DYTN: variants seen among roughly 807,000 people sequenced by gnomAD.
DYTN encodes dystrotelin.
A neutral mutation model predicts 69.6 loss-of-function variants in DYTN; 75 were observed. The observed-to-expected ratio is 1.08, with a 90% confidence interval of 0.89 to 1.31. The LOEUF is 1.31. Ranked by LOEUF, DYTN falls within the 50% of genes most tolerant of loss-of-function variation. The probability of loss-of-function intolerance (pLI) is 0.00; values close to 1 mark genes in which losing one functional copy is unlikely to be tolerated. For synonymous variants in DYTN, 252 were observed against 249.1 expected, an observed-to-expected ratio of 1.01 and a Z score of -0.11; for missense variants, 726 against 688.4, an observed-to-expected ratio of 1.05 and a Z score of -0.61.
chr2:206,681,967 G>T (rs2105894039), intron 9 of DYTN, among the ~76,000 whole-genome samples: 1 of 152,268 alleles, frequency 6.6e-6, no homozygotes, highest in South Asian at 2.1e-4. Context: ...GCTCCTCTTT[G>T]TACCTCTGGT....
Position 206,707,288 on chromosome 2 carries a change from G to A in DYTN, c.296+14C>T, listed in dbSNP as rs367670234. ...TTTGCCTTTGAGGTCACAGCGCGAC[G>A]TCCACACCCTCACCTGTTGTACATT... On this transcript the variant is annotated intron_variant, in intron 3 of 11. Transcript: ENST00000452335. The A allele has an allele frequency of 5.7e-5, 91 of 1,608,700 alleles. No individual in the cohort carries two copies. In the African/African-American group the frequency reaches 9.6e-4, roughly 17 times the overall value.
intron 9 of DYTN, among the ~76,000 whole-genome samples, chr2:206,684,093 G>A (rs1303162796): frequency 1.3e-5 from 2 of 150,836 alleles, no homozygotes; most frequent in Admixed American, 6.6e-5. Flanking sequence ...CTTCATTGAT[G>A]TAGCCCAAGT....
Position 206,662,885 on chromosome 2 carries a change from G to A in DYTN, c.1633+18C>T. On this transcript the variant is annotated intron_variant, in intron 11 of 11. Transcript: ENST00000452335. ...AATCCTTGGCCATCACGATGTCTATGGATTGTGAAAACCTTACCTGATGGC... is the reference window on the plus strand; with the variant it reads ...AATCCTTGGCCATCACGATGTCTATAGATTGTGAAAACCTTACCTGATGGC... 6.2e-7 allele frequency: 1 copy of A among 1,602,486 alleles called. No individual in the cohort carries two copies. Among genetic ancestry groups the A allele is most frequent in the Non-Finnish European group, 8.5e-7 (1 of 1,175,160 alleles).
At chr2:206,685,193 T>G (rs969362076) in intron 9 of DYTN, among the ~76,000 whole-genome samples, 3 of 151,400 alleles carry the variant, frequency 2.0e-5, no homozygotes. Context: ...TTTGAAACAT[T>G]TTCACCCAGG....
At chr2:206,673,110 G>A (rs1221211468) in intron 9 of DYTN, among the ~76,000 whole-genome samples, 1 of 152,086 alleles carries the variant, frequency 6.6e-6, no homozygotes, top group Non-Finnish European at 1.5e-5. Flanking sequence ...AGGCCCCAGT[G>A]TGTGTTGTTT....
intron 1 of DYTN, among the ~76,000 whole-genome samples, chr2:206,711,959 ATAAC>A (rs1286372815): frequency 6.6e-6 from 1 of 152,206 alleles, no homozygotes; most frequent in Non-Finnish European, 1.5e-5. Flanking sequence ...TCTAGAAAAA[ATAAC>A]TATAGAGTAG....
At chr2:206,685,143 CTTAT>C (rs10673463) in intron 9 of DYTN, among the ~76,000 whole-genome samples, 15,525 of 145,694 alleles carry the variant, frequency 0.11, 929 homozygotes, top group East Asian at 0.21. Flanking sequence ...AGTAGCATGG[CTTAT>C]TTATTTATTT....
intron 8 of DYTN, 90 bp from the exon 9 acceptor site, chr2:206,693,413 G>GC: frequency 6.7e-7 from 1 of 1,483,386 alleles, no homozygotes; most frequent in South Asian, 1.3e-5. Flanking sequence ...CACCATGAAA[G>GC]TTTTTGGAAT....
intron 9 of DYTN, among the ~76,000 whole-genome samples, chr2:206,674,693 TA>T (rs1330421251): frequency 6.6e-6 from 1 of 151,990 alleles, no homozygotes; most frequent in Admixed American, 6.6e-5. Flanking sequence ...AAAGGACGTT[TA>T]AAGAATAATC....
intron 9 of DYTN, among the ~76,000 whole-genome samples, chr2:206,688,797 T>C (rs1426018016): frequency 6.6e-6 from 1 of 152,200 alleles, no homozygotes; most frequent in African/African-American, 2.4e-5. Flanking sequence ...CAATAAAATA[T>C]TATAATTTTA....
At chr2:206,715,569 C>T (rs1307230124) in intron 1 of DYTN, among the ~76,000 whole-genome samples, 1 of 152,140 alleles carries the variant, frequency 6.6e-6, no homozygotes, top group East Asian at 1.9e-4. Flanking sequence ...CATCTTCCTC[C>T]AGAGTAGGGT....
chr2:206,718,184 G>C, intron 1 of DYTN, 77 bp downstream of exon 1: 1 of 1,444,756 alleles, frequency 6.9e-7, no homozygotes, highest in Non-Finnish European at 9.3e-7. Context: ...CTTCAAATCA[G>C]AGGTCTGAAA....
intron 9 of DYTN, among the ~76,000 whole-genome samples, chr2:206,676,225 A>G (rs796322352): frequency 3.3e-5 from 5 of 152,358 alleles, no homozygotes; most frequent in African/African-American, 1.2e-4. Flanking sequence ...TGGCACATAT[A>G]CACCATGGAA....
chr2:206,697,663 A>C (rs1699933314), intron 7 of DYTN, among the ~76,000 whole-genome samples: 1 of 152,192 alleles, frequency 6.6e-6, no homozygotes, highest in Admixed American at 6.5e-5. Flanking sequence ...ACAAACCAAA[A>C]AACAAAAACC....
intron 9 of DYTN, among the ~76,000 whole-genome samples, chr2:206,680,221 T>C (rs1699735811): frequency 6.6e-6 from 1 of 151,680 alleles, no homozygotes; most frequent in African/African-American, 2.4e-5. Context: ...GGCAAGAGAG[T>C]GTGTGCAGGG....
At chr2:206,655,694 G>A (rs1246783802) in intron 11 of DYTN, among the ~76,000 whole-genome samples, 1 of 151,868 alleles carries the variant, frequency 6.6e-6, no homozygotes. Flanking sequence ...AAAGCACTAG[G>A]ATTATAGGCA....
At chr2:206,665,388 AATTT>A (rs1383375223) in intron 10 of DYTN, among the ~76,000 whole-genome samples, 8 of 151,732 alleles carry the variant, frequency 5.3e-5, no homozygotes, top group Admixed American at 2.6e-4. Context: ...TTACTTATTT[AATTT>A]ATTTAACAAC....
chr2:206,690,818 A>C (rs1356160312), intron 9 of DYTN, among the ~76,000 whole-genome samples: 2 of 152,224 alleles, frequency 1.3e-5, no homozygotes, highest in Non-Finnish European at 2.9e-5. Context: ...TTTAAAATAA[A>C]GTCTTAAGGG....
chr2:206,684,785 G>A (rs1699787263), intron 9 of DYTN, among the ~76,000 whole-genome samples: 1 of 151,532 alleles, frequency 6.6e-6, no homozygotes, highest in Non-Finnish European at 1.5e-5. Context: ...TTCTTAGAAA[G>A]TATAGCCTCT....
Sources: allele counts gnomAD v4.1 joint callset (sites outside exome capture counted in the v4.1 genomes callset), GRCh38; gene constraint gnomAD v4.1.1; transcripts MANE v1.5; gene names NCBI Gene and HGNC (gene_info 2026-07-23, HGNC 2026-07-21).